Variants in BTBD10 observed in about 807,000 individuals in gnomAD.
BTBD10 encodes BTB/POZ domain-containing protein 10.
BTBD10 carries 21 observed loss-of-function variants against 53.2 expected under a neutral mutation model. The ratio of observed to expected loss-of-function variants is 0.39; its 90% CI spans 0.28 to 0.57. BTBD10 has a LOEUF of 0.57. BTBD10 is among the 20% of genes least tolerant of loss of function. The pLI, the probability that BTBD10 is intolerant of heterozygous loss-of-function variation, is 0.53. For missense variants in BTBD10, 360 were observed against 594.7 expected, an observed-to-expected ratio of 0.61 and a Z score of 4.10; for synonymous variants, 149 against 192.7, an observed-to-expected ratio of 0.77 and a Z score of 1.88.
At chr11:13,443,027 T>C (rs1333520119) in intron 2 of BTBD10, among the ~76,000 whole-genome samples, 1 of 152,158 alleles carries the variant, frequency 6.6e-6, no homozygotes, top group African/African-American at 2.4e-5. Flanking sequence ...GTATTTATTT[T>C]CTATTTTACT....
At chr11:13,438,563 TAATTA>T (rs1380375227) in intron 2 of BTBD10, among the ~76,000 whole-genome samples, 3 of 152,028 alleles carry the variant, frequency 2.0e-5, no homozygotes, top group African/African-American at 7.2e-5. Flanking sequence ...AGGATGTTCA[TAATTA>T]AATTTCTTTT....
rs968381032 is a variant in BTBD10, at chr11:13,444,308, A to G, written c.101+716T>C. ...TCAAGTAAGTTAAATGCTCAATAAT[A>G]TCCCCTAAGTAATATTCATAGAAGA... is the stretch of plus-strand genomic sequence containing the variant. On this transcript the variant is annotated intron_variant, in intron 2 of 8. Transcript: ENST00000278174. Among the ~76,000 whole-genome samples the G allele has an allele frequency of 9.2e-5, 14 of 151,838 alleles. 1 individual carries two copies. The Middle Eastern group carries it at 0.01, about 111-fold the overall frequency.
intron 8 of BTBD10, among the ~76,000 whole-genome samples, chr11:13,396,000 T>C (rs1949540986): frequency 6.6e-6 from 1 of 152,164 alleles, no homozygotes; most frequent in African/African-American, 2.4e-5. Flanking sequence ...TCTTTTGGCT[T>C]AGGATTGACT....
chr11:13,417,244 G>C lies in BTBD10; in HGVS notation c.601C>G (p.Arg201Gly). 6.2e-7 allele frequency: 1 copy of C among 1,611,884 alleles called. No homozygotes were observed. The highest frequency in any genetic ancestry group is 8.5e-7 in the Non-Finnish European group (1 of 1,178,702). ...TMLGRMFGSG[R>G]EHNFTRPNEK... ...TTGGGTCGTGTAAAGTTATGTTCTC[G>C]GCCAGATCCAAACATCCTATGATAG... The change falls in exon 5 of 9, where the codon CGA becomes GGA. Residue 201 changes from arginine (R) to glycine (G), a missense_variant. Arg to Gly is a moderately radical substitution (Grantham distance 125). Transcript: ENST00000278174.
chr11:13,435,076 A>G (rs747530463), intron 2 of BTBD10, among the ~76,000 whole-genome samples: 2 of 152,260 alleles, frequency 1.3e-5, no homozygotes, highest in African/African-American at 4.8e-5. Context: ...TTATGGATAC[A>G]TAAGTCTAAA....
At chr11:13,408,630 T>C (rs1220854349) in intron 6 of BTBD10, among the ~76,000 whole-genome samples, 1 of 152,200 alleles carries the variant, frequency 6.6e-6, no homozygotes, top group Non-Finnish European at 1.5e-5. Context: ...TTGCTCCTCA[T>C]GAAGTCTCCC....
intron 8 of BTBD10, among the ~76,000 whole-genome samples, chr11:13,398,767 G>A (rs1405636287): frequency 6.6e-6 from 1 of 152,140 alleles, no homozygotes; most frequent in Non-Finnish European, 1.5e-5. Context: ...GCATTTGCTT[G>A]TCTGTAAAGG....
intron 2 of BTBD10, among the ~76,000 whole-genome samples, chr11:13,428,785 C>G (rs1046541237): frequency 6.6e-6 from 1 of 151,978 alleles, no homozygotes; most frequent in Non-Finnish European, 1.5e-5. Context: ...AGGATTATAG[C>G]CAGTGCAATA....
chr11:13,421,575 T>C (rs1395157721), intron 3 of BTBD10, 67 bp downstream of exon 3: 2 of 1,380,680 alleles, frequency 1.4e-6, no homozygotes, highest in African/African-American at 1.4e-5. Context: ...TTCAATGTCA[T>C]TACTACTTTA....
intron 8 of BTBD10, among the ~76,000 whole-genome samples, chr11:13,395,946 G>C (rs1949538840): frequency 6.8e-6 from 1 of 147,496 alleles, no homozygotes; most frequent in South Asian, 2.1e-4. Context: ...CTGCAGCCTT[G>C]TAGTATAGTT....
intron 5 of BTBD10, among the ~76,000 whole-genome samples, chr11:13,415,385 A>C (rs1950078133): frequency 6.6e-6 from 1 of 152,196 alleles, no homozygotes; most frequent in Non-Finnish European, 1.5e-5. Flanking sequence ...TGCTGAGGGC[A>C]GTCATGCCCC....
intron 5 of BTBD10, among the ~76,000 whole-genome samples, chr11:13,416,782 G>GC (rs1950124651): frequency 2.0e-5 from 3 of 152,090 alleles, no homozygotes; most frequent in Non-Finnish European, 4.4e-5. Context: ...TTCGAGAACA[G>GC]CCTAGGTAAC....
intron 2 of BTBD10, among the ~76,000 whole-genome samples, chr11:13,436,623 G>T (rs553415716): frequency 4.6e-5 from 7 of 152,298 alleles, no homozygotes; most frequent in African/African-American, 1.7e-4. Context: ...TTAAGTGCTG[G>T]ATCTGAACCA....
Position 13,437,205 on chromosome 11 carries a change from C to T in BTBD10, c.101+7819G>A, listed in dbSNP as rs114238130. On this transcript the variant is annotated intron_variant, in intron 2 of 8. Coordinates refer to ENST00000278174, the MANE Select transcript of BTBD10 (RefSeq NM_032320.7). ...ACTTTGGTATTCAGCAGTTACTCTA[C>T]TCTTCCATTAATTGAAATGGATTTT... Among the ~76,000 whole-genome samples the T allele has an allele frequency of 3.4e-3, 511 of 152,332 alleles. 4 individuals are homozygous for T. The highest frequency in any genetic ancestry group is 0.011 in the African/African-American group (466 of 41,584).
intron 8 of BTBD10, 38 bp downstream of exon 8, chr11:13,403,130 A>T (rs1379577637): frequency 2.3e-6 from 3 of 1,277,582 alleles, no homozygotes; most frequent in Admixed American, 2.5e-5. Context: ...TTTTTGTTTT[A>T]AAAAGAAAAC....
chr11:13,408,073 A>T (rs561672201), intron 6 of BTBD10, among the ~76,000 whole-genome samples: 2 of 152,330 alleles, frequency 1.3e-5, no homozygotes, highest in Admixed American at 6.5e-5. Flanking sequence ...ATTGTGATAC[A>T]GCCATAAGCC....
At chr11:13,430,379 T>C (rs775745024) in intron 2 of BTBD10, among the ~76,000 whole-genome samples, 13 of 152,202 alleles carry the variant, frequency 8.5e-5, no homozygotes, top group Non-Finnish European at 1.5e-4. Flanking sequence ...CAAGCATTGA[T>C]GAGTACATGT....
chr11:13,443,829 C>T (rs895704361), intron 2 of BTBD10, among the ~76,000 whole-genome samples: 4 of 152,080 alleles, frequency 2.6e-5, no homozygotes, highest in Non-Finnish European at 5.9e-5. Flanking sequence ...AGTGATCTGC[C>T]TGCCTCGGCC....
chr11:13,414,517 G>A (rs964195794), intron 5 of BTBD10, among the ~76,000 whole-genome samples: 2 of 152,104 alleles, frequency 1.3e-5, no homozygotes, highest in Admixed American at 6.6e-5. Context: ...AGCCGGGTGT[G>A]GTGGCAGGCA....
Sources: gnomAD v4.1 joint callset for allele counts (sites outside exome capture counted in the v4.1 genomes callset) on GRCh38, gnomAD v4.1.1 for gene constraint, MANE v1.5 for transcripts, NCBI Gene and HGNC (gene_info 2026-07-23, HGNC 2026-07-21) for gene names.